The following GALNT18 variants were observed in gnomAD, a reference collection of about 807,000 sequenced individuals.
GALNT18 encodes GalNAc-transferase 18.
In GALNT18, 44 loss-of-function variants were observed where a neutral mutation model predicts 69.5. That is an observed-to-expected ratio of 0.63 (90% CI 0.50 to 0.81). The LOEUF (loss-of-function observed/expected upper bound fraction) is 0.81. Ranked by LOEUF, GALNT18 falls within the 40% of genes least tolerant of loss-of-function variation. The pLI, the probability that GALNT18 is intolerant of heterozygous loss-of-function variation, is 0.00. For missense variants in GALNT18, 715 were observed against 810.0 expected (o/e 0.88, Z 1.42); for synonymous variants, 364 against 318.2 (o/e 1.14, Z -1.53).
At chr11:11,277,278 G>T (rs1286828755) in intron 10 of GALNT18, among the ~76,000 whole-genome samples, 1 of 152,176 alleles carries the variant, frequency 6.6e-6, no homozygotes, top group Non-Finnish European at 1.5e-5. Context: ...ATTTCTTCTA[G>T]ATTTTCTAGT....
rs1850147975 is a variant in GALNT18 at position 11,338,303 on chromosome 11, T to C, written c.1278+2516A>G. On this transcript the variant is annotated intron_variant, in intron 7 of 10. Coordinates refer to ENST00000227756, the MANE Select transcript of GALNT18 (RefSeq NM_198516.3). This position sits in a 1 kb window ranked among gnomAD's most constrained non-coding sequence, Gnocchi z 5.3. The stretch of plus-strand genomic sequence containing the variant: ...ATTTTAAGCAGGGCGATGGCATGGT[T>C]GTTGTGAGTGTTTTAAAGATAACTT... Among the ~76,000 whole-genome samples the C allele has an allele frequency of 6.6e-6, 1 of 151,940 alleles. No homozygotes were observed. The highest frequency in any genetic ancestry group is 2.4e-5 in the African/African-American group (1 of 41,394).
chr11:11,547,108 G>C (rs548022194), intron 1 of GALNT18, among the ~76,000 whole-genome samples: 1 of 152,176 alleles, frequency 6.6e-6, no homozygotes, highest in African/African-American at 2.4e-5. Flanking sequence ...AATGAGAAAC[G>C]TACAGAAAGT....
chr11:11,378,939 C>T (rs1853840848), intron 4 of GALNT18, 142 bp downstream of exon 4: 4 of 811,172 alleles, frequency 4.9e-6, no homozygotes, highest in African/African-American at 3.5e-5. Context: ...GCCTGGCTCA[C>T]TCACACACCT....
At chr11:11,484,593 CAAAAA>C (rs1159968814) in intron 1 of GALNT18, among the ~76,000 whole-genome samples, 3 of 83,058 alleles carry the variant, frequency 3.6e-5, no homozygotes, top group Non-Finnish European at 6.5e-5. Flanking sequence ...AACTCCATCT[CAAAAA>C]AAAAAAAAAA....
rs571562231 is a variant in GALNT18, at chr11:11,588,349, G to A, written c.235+33010C>T. ...CACCTAGCAAAGAATCTGGCATTTA[G>A]TGAGTACTGTTTAAATGTCTGTTGA... On this transcript the variant is annotated intron_variant, in intron 1 of 10. Transcript: ENST00000227756. Among the ~76,000 whole-genome samples the A allele has an allele frequency of 8.5e-5, 13 of 152,298 alleles. No individual in the cohort carries two copies. In the South Asian group the frequency reaches 2.5e-3, roughly 29 times the overall value.
chr11:11,399,972 A>G (rs777451831), intron 3 of GALNT18, among the ~76,000 whole-genome samples: 11 of 152,236 alleles, frequency 7.2e-5, no homozygotes, highest in South Asian at 4.1e-4. Context: ...TTTATCTTCA[A>G]AAATGAAGCT....
At chr11:11,304,263 C>G (rs746305360) in intron 9 of GALNT18, among the ~76,000 whole-genome samples, 14 of 152,198 alleles carry the variant, frequency 9.2e-5, no homozygotes, top group Non-Finnish European at 1.9e-4. Flanking sequence ...CCCAGGTTTT[C>G]TCTAATAACA....
rs187830513 is a variant in GALNT18 at position 11,493,175 on chromosome 11, C to T, written c.236-44239G>A. Among the ~76,000 whole-genome samples the T allele has an allele frequency of 8.9e-4, 130 of 145,524 alleles. 2 individuals are homozygous for T. The East Asian group carries it at 0.022, about 25-fold the overall frequency. ...ACTCGGAAGGCTGAGGCAGGAGAAT[C>T]GCTTCAACCTGGGAGGCGGAGGTTG... On this transcript the variant is annotated intron_variant, in intron 1 of 10. Coordinates refer to ENST00000227756, the MANE Select transcript of GALNT18 (RefSeq NM_198516.3).
At chr11:11,451,819 G>A (rs181930802) in intron 1 of GALNT18, among the ~76,000 whole-genome samples, 1 of 152,198 alleles carries the variant, frequency 6.6e-6, no homozygotes, top group Admixed American at 6.5e-5. Flanking sequence ...AAGGTTAAAT[G>A]TCTAATCCAA....
intron 1 of GALNT18, among the ~76,000 whole-genome samples, chr11:11,580,324 C>T (rs753763433): frequency 3.9e-5 from 6 of 152,164 alleles, no homozygotes; most frequent in South Asian, 4.1e-4. Context: ...TTCTCCCTCC[C>T]GCCACCCCCA....
At chr11:11,335,573 C>T (rs899769388) in intron 7 of GALNT18, among the ~76,000 whole-genome samples, 4 of 152,140 alleles carry the variant, frequency 2.6e-5, no homozygotes, top group Admixed American at 2.0e-4. Context: ...TACCCAGAAC[C>T]TCTAAATGGG....
In GALNT18 at chr11:11,318,547, C is replaced by T. The variant is rs555743754; in HGVS notation, c.1512+8539G>A. ...CCCTGCTGAGACCGATCTCGAACTT[C>T]TAGGCTTCAGAATTGTGAGACAGTA... On this transcript the variant is annotated intron_variant, in intron 9 of 10. Transcript: ENST00000227756. The surrounding 1 kb of genome is among the most constrained non-coding windows in gnomAD (Gnocchi z 5.1). Among the ~76,000 whole-genome samples the T allele has an allele frequency of 6.6e-6, 1 of 152,314 alleles. No homozygotes were observed. The highest frequency in any genetic ancestry group is 6.5e-5 in the Admixed American group (1 of 15,304).
At chr11:11,385,889 C>T (rs528751720) in intron 3 of GALNT18, among the ~76,000 whole-genome samples, 1 of 152,126 alleles carries the variant, frequency 6.6e-6, no homozygotes, top group Admixed American at 6.5e-5. Flanking sequence ...GGATCCTAAT[C>T]CAGTATGACT....
At chr11:11,367,441 G>C (rs1850797283) in intron 6 of GALNT18, among the ~76,000 whole-genome samples, 1 of 152,208 alleles carries the variant, frequency 6.6e-6, no homozygotes, top group African/African-American at 2.4e-5. Flanking sequence ...ATATGTTCAA[G>C]TGGGTGTCTT....
At position 11,591,727 on chromosome 11, in the gene GALNT18, T is replaced by TA. The variant is rs1238127081; in HGVS notation, c.235+29631dup. On this transcript the variant is annotated intron_variant, in intron 1 of 10. Transcript: ENST00000227756. This position sits in a 1 kb window ranked among gnomAD's most constrained non-coding sequence, Gnocchi z 4.8. ...CATTTTCTTTAGTGCCAGATGGAAATACAATGAGCCCAGCCATACAGATGT... is the reference window on the plus strand; with the variant it reads ...CATTTTCTTTAGTGCCAGATGGAAATAACAATGAGCCCAGCCATACAGATGT... Among the ~76,000 whole-genome samples the TA allele has an allele frequency of 2.0e-5, 3 of 152,176 alleles. No homozygotes were observed. Among genetic ancestry groups the TA allele is most frequent in the African/African-American group, 4.8e-5 (2 of 41,428 alleles).
Position 11,617,378 on chromosome 11 carries a change from C to A in GALNT18, c.235+3981G>T, listed in dbSNP as rs1483634892. Among the ~76,000 whole-genome samples, 2 of 152,216 alleles carry A rather than the reference C, an allele frequency of 1.3e-5. No individual in the cohort carries two copies. The highest frequency in any genetic ancestry group is 2.9e-5 in the Non-Finnish European group (2 of 68,050). ...ACTCCTGTAGAGTGTCTCTAGTATA[C>A]AGTTCACCACTGTAATCACTTTCTC... On this transcript the variant is annotated intron_variant, in intron 1 of 10. Coordinates refer to ENST00000227756, the MANE Select transcript of GALNT18 (RefSeq NM_198516.3). This position sits in a 1 kb window ranked among gnomAD's most constrained non-coding sequence, Gnocchi z 4.7.
At chr11:11,403,537 T>C (rs1270258301) in intron 3 of GALNT18, among the ~76,000 whole-genome samples, 1 of 152,218 alleles carries the variant, frequency 6.6e-6, no homozygotes, top group African/African-American at 2.4e-5. Flanking sequence ...TCCTCATGTG[T>C]CATTCTTTGT....
At chr11:11,556,996 G>T (rs1020308855) in intron 1 of GALNT18, among the ~76,000 whole-genome samples, 6 of 152,154 alleles carry the variant, frequency 3.9e-5, no homozygotes, top group African/African-American at 1.4e-4. Context: ...CTGCCCAGGA[G>T]GCCCATGGGT....
intron 3 of GALNT18, among the ~76,000 whole-genome samples, chr11:11,379,668 C>T (rs1853862844): frequency 6.6e-6 from 1 of 152,190 alleles, no homozygotes; most frequent in South Asian, 2.1e-4. Context: ...AGCACGGCTA[C>T]CTCCTTCCTA....
Sources: allele counts gnomAD v4.1 joint callset (sites outside exome capture counted in the v4.1 genomes callset), GRCh38; gene constraint gnomAD v4.1.1; non-coding constraint Gnocchi (gnomAD v3.1); transcripts MANE v1.5; gene names NCBI Gene and HGNC (gene_info 2026-07-23, HGNC 2026-07-21).